The following SLC1A3 variants were observed in gnomAD, a reference collection of about 807,000 sequenced individuals.
The protein encoded by SLC1A3 is excitatory amino acid transporter 1.
Under a neutral mutation model 48.1 loss-of-function variants are expected in SLC1A3, and 21 were observed. That is an observed-to-expected ratio of 0.44 (90% CI 0.31 to 0.63). The LOEUF (loss-of-function observed/expected upper bound fraction) is 0.63, where lower values mean the gene tolerates loss of function less well. Ranked by LOEUF, SLC1A3 falls within the 20% of genes least tolerant of loss-of-function variation. The probability of loss-of-function intolerance (pLI) is 0.08; values close to 1 mark genes in which losing one functional copy is unlikely to be tolerated. For synonymous variants in SLC1A3, 239 were observed against 251.4 expected (o/e 0.95, Z 0.47); for missense variants, 546 against 689.0 (o/e 0.79, Z 2.32).
At chr5:36,598,819 G>A (rs1033613034) in intron 1 of SLC1A3, among the ~76,000 whole-genome samples, 1 of 151,958 alleles carries the variant, frequency 6.6e-6, no homozygotes, top group African/African-American at 2.4e-5. Context: ...ACTGGGACTG[G>A]GTTTTGCCTT....
intron 2 of SLC1A3, among the ~76,000 whole-genome samples, chr5:36,619,992 TG>T (rs1350386749): frequency 6.6e-6 from 1 of 152,174 alleles, no homozygotes; most frequent in Non-Finnish European, 1.5e-5. Flanking sequence ...CCATTCCAAT[TG>T]ATCTCTCTCA....
intron 3 of SLC1A3, among the ~76,000 whole-genome samples, chr5:36,660,989 T>C (rs991409103): frequency 1.3e-5 from 2 of 152,214 alleles, no homozygotes; most frequent in Non-Finnish European, 2.9e-5. Flanking sequence ...CTTCCCTTTC[T>C]CCTCTCCTCA....
At chr5:36,683,815 G>C (rs745816231) in intron 8 of SLC1A3, 49 bp from the exon 9 acceptor site, 3 of 1,611,880 alleles carry the variant, frequency 1.9e-6, no homozygotes, top group Non-Finnish European at 8.5e-7. Flanking sequence ...TATGCTCTAC[G>C]TGGGGAGCTT....
At chr5:36,663,966 A>C (rs1177377568) in intron 3 of SLC1A3, among the ~76,000 whole-genome samples, 1 of 152,158 alleles carries the variant, frequency 6.6e-6, no homozygotes. Context: ...TGTCCATAAA[A>C]TTTCTGTTCA....
rs1041124084 is a variant in SLC1A3 at position 36,618,390 on chromosome 5, G to A, written c.181+9786G>A. 4.6e-5 allele frequency among the ~76,000 whole-genome samples: 7 copies of A among 152,272 alleles called. No individual in the cohort carries two copies. In the East Asian group the frequency reaches 7.7e-4, roughly 17 times the overall value. On this transcript the variant is annotated intron_variant, in intron 2 of 9. Transcript: ENST00000265113. Reference sequence around the variant, plus strand: ...AAACATTGAGTGATGTGTCAAAGGCGCTTAGAAATAAGAGACTGCCAGAAA... The same window carrying A: ...AAACATTGAGTGATGTGTCAAAGGCACTTAGAAATAAGAGACTGCCAGAAA...
Position 36,680,508 on chromosome 5 carries a change from C to T in SLC1A3, c.1208C>T (p.Ala403Val). The change falls in exon 8 of 10, where the codon GCC (alanine) becomes GTC (valine). Residue 403 changes from alanine to valine, a missense_variant. Around this residue, in one of 3 missense-constraint regions of SLC1A3, gnomAD observed 142 missense variants for 238.0 expected, o/e 0.60. Coordinates refer to ENST00000265113, the MANE Select transcript of SLC1A3 (RefSeq NM_004172.5). ...GCCACCATTAACATGGATGGGACTGCCCTCTATGAGGCTTTGGCTGCCATT... is the reference window on the plus strand; with the variant it reads ...GCCACCATTAACATGGATGGGACTGTCCTCTATGAGGCTTTGGCTGCCATT... ...VGATINMDGTALYEALAAIFI... is the reference protein window; with the variant it reads ...VGATINMDGTVLYEALAAIFI... 6.2e-7 allele frequency: 1 copy of T among 1,614,116 alleles called. No homozygotes were observed. The highest frequency in any genetic ancestry group is 1.7e-5 in the Admixed American group (1 of 60,030).
intron 8 of SLC1A3, among the ~76,000 whole-genome samples, chr5:36,683,366 A>G (rs7703416): frequency 0.011 from 1,651 of 152,256 alleles, 39 homozygotes; most frequent in African/African-American, 0.038. Flanking sequence ...TAGTAAGCAC[A>G]TGATAAATAT....
At chr5:36,660,152 G>A (rs1200874112) in intron 3 of SLC1A3, among the ~76,000 whole-genome samples, 1 of 152,094 alleles carries the variant, frequency 6.6e-6, no homozygotes, top group Non-Finnish European at 1.5e-5. Flanking sequence ...AAACCCTGGT[G>A]ACTGTATCTT....
chr5:36,654,539 A>G (rs1211144953), intron 3 of SLC1A3, among the ~76,000 whole-genome samples: 5 of 152,130 alleles, frequency 3.3e-5, no homozygotes, highest in Non-Finnish European at 7.4e-5. Flanking sequence ...CAGACTCCAT[A>G]AGACTGTGGA....
rs373439664 is a variant in SLC1A3 at position 36,612,069 on chromosome 5, G to A, written c.181+3465G>A. On this transcript the variant is annotated intron_variant, in intron 2 of 9. Coordinates refer to ENST00000265113, the MANE Select transcript of SLC1A3 (RefSeq NM_004172.5). The stretch of plus-strand genomic sequence containing the variant: ...CTCTGATGTTGGTCTTGGCGCACGC[G>A]CACACACACACACACGCACACACAC... Among the ~76,000 whole-genome samples, 105 of 143,256 alleles carry A rather than the reference G, an allele frequency of 7.3e-4. 1 individual carries two copies. The highest frequency in any genetic ancestry group is 2.4e-3 in the African/African-American group (93 of 38,864). The allele number at this position is 143,256 out of a possible 152,430, so 94.0% of individuals were successfully genotyped here.
At chr5:36,649,054 T>C (rs1343073474) in intron 3 of SLC1A3, among the ~76,000 whole-genome samples, 1 of 152,088 alleles carries the variant, frequency 6.6e-6, no homozygotes, top group Non-Finnish European at 1.5e-5. Context: ...TAAAAGATTA[T>C]TTATCTTGAC....
intron 3 of SLC1A3, among the ~76,000 whole-genome samples, chr5:36,655,367 G>A (rs936098336): frequency 3.2e-4 from 49 of 152,128 alleles, no homozygotes; most frequent in African/African-American, 1.1e-3. Flanking sequence ...CTGTGCCCTG[G>A]CTTTGTCACT....
chr5:36,627,814 A>T (rs563957710), intron 2 of SLC1A3, among the ~76,000 whole-genome samples: 1 of 152,332 alleles, frequency 6.6e-6, no homozygotes, highest in South Asian at 2.1e-4. Flanking sequence ...CTGGGATCTG[A>T]GTCCAAATTG....
Position 36,608,412 on chromosome 5 carries a change from G to GAAAAGT in SLC1A3, c.-7_-2dup, listed in dbSNP as rs770109530. The GAAAAGT allele has an allele frequency of 1.2e-6, 2 of 1,613,634 alleles. No homozygotes were observed. Among genetic ancestry groups the GAAAAGT allele is most frequent in the Non-Finnish European group, 1.7e-6 (2 of 1,179,758 alleles). On this transcript the variant is annotated 5_prime_UTR_variant, in exon 2 of 10. Coordinates refer to ENST00000265113, the MANE Select transcript of SLC1A3 (RefSeq NM_004172.5). Reference sequence around the variant, plus strand: ...GAAGTGCAAAGAAGAGACCCTCCTAGAAAAGTAAAATATGACTAAAAGCAA... The same window carrying GAAAAGT: ...GAAGTGCAAAGAAGAGACCCTCCTAGAAAAGTAAAAGTAAAATATGACTAAAAGCAA...
At chr5:36,618,612 T>C (rs2111708183) in intron 2 of SLC1A3, among the ~76,000 whole-genome samples, 1 of 152,210 alleles carries the variant, frequency 6.6e-6, no homozygotes, top group East Asian at 1.9e-4. Flanking sequence ...CTCTTCATAC[T>C]GCACAGAGAC....
At chr5:36,605,524 G>A (rs184040400), upstream of SLC1A3, among the ~76,000 whole-genome samples, 174 of 152,084 alleles carry the variant, frequency 1.1e-3, 3 homozygotes, top group East Asian at 0.03. Flanking sequence ...TTGTATTGAG[G>A]GGAAAAAAGA....
intron 2 of SLC1A3, among the ~76,000 whole-genome samples, chr5:36,618,885 C>T (rs775983754): frequency 6.6e-6 from 1 of 152,134 alleles, no homozygotes; most frequent in Non-Finnish European, 1.5e-5. Flanking sequence ...TTTAGAATAC[C>T]TGTAGGATTA....
chr5:36,658,339 G>T (rs538209491), intron 3 of SLC1A3, among the ~76,000 whole-genome samples: 23 of 152,234 alleles, frequency 1.5e-4, no homozygotes, highest in Non-Finnish European at 2.8e-4. Flanking sequence ...GCCTGCGTAG[G>T]AAATGAAGCT....
At chr5:36,652,069 G>A (rs1239311552) in intron 3 of SLC1A3, among the ~76,000 whole-genome samples, 1 of 152,138 alleles carries the variant, frequency 6.6e-6, no homozygotes, top group Non-Finnish European at 1.5e-5. Context: ...GGCAAAGAGA[G>A]CTTTGCCATG....
Sources: allele counts gnomAD v4.1 joint callset (sites outside exome capture counted in the v4.1 genomes callset), GRCh38; gene constraint gnomAD v4.1.1; regional missense constraint gnomAD v4.1.1; transcripts MANE v1.5; gene names NCBI Gene and HGNC (gene_info 2026-07-23, HGNC 2026-07-21).